Variants in MOXD1 observed in about 807,000 individuals in gnomAD.
MOXD1 encodes DBH-like monooxygenase protein 1.
MOXD1 carries 62 observed loss-of-function variants against 66.6 expected under a neutral mutation model. The observed-to-expected ratio is 0.93, with a 90% CI of 0.76 to 1.15. MOXD1 has a LOEUF of 1.15. MOXD1 is among the 50% of genes most tolerant of loss of function. The pLI, the probability that MOXD1 is intolerant of heterozygous loss-of-function variation, is 0.00. For missense variants in MOXD1, 847 were observed against 754.6 expected (o/e 1.12, Z -1.44); for synonymous variants, 303 against 281.9 (o/e 1.07, Z -0.75).
chr6:132,372,944 A>T lies in MOXD1; in HGVS notation c.465T>A (p.Ala155=). 6.2e-7 allele frequency: 1 copy of T among 1,614,038 alleles called. No individual in the cohort carries two copies. Among genetic ancestry groups the T allele is most frequent in the South Asian group, 1.1e-5 (1 of 91,070 alleles). The change falls in exon 3 of 12, where the codon GCT becomes GCA. Residue 155 remains alanine (A), a synonymous_variant. Transcript: ENST00000367963. ...WAYHHEDAGE[A]GPKYHDSNRG... ...TATTGGAGTCATGGTACTTGGGACC[A>T]GCTTCTCCTGCATCTTCATGGTGGT... is the stretch of plus-strand genomic sequence containing the variant.
intron 4 of MOXD1, among the ~76,000 whole-genome samples, chr6:132,334,268 C>T (rs1482846463): frequency 6.6e-6 from 1 of 152,240 alleles, no homozygotes; most frequent in Non-Finnish European, 1.5e-5. Flanking sequence ...CTCCACTATA[C>T]TGCATCCCAC....
At chr6:132,302,508 G>A (rs757141495) in intron 10 of MOXD1, among the ~76,000 whole-genome samples, 10 of 151,854 alleles carry the variant, frequency 6.6e-5, no homozygotes, top group African/African-American at 1.2e-4. Context: ...CAAAACATGC[G>A]CAAAACTTCT....
chr6:132,372,830 G>T lies in MOXD1; in HGVS notation c.579C>A (p.Asp193Glu), dbSNP rs373772503. ...AATCATAAAACCTGAAAACACTTAC[G>T]TCCTGATTTACCAGATCAAAGTATG... ...ALPYFDLVNQ[D>E]VPIPNKDTTY... The change falls in exon 3 of 12, where the codon GAC becomes GAA. Residue 193 changes from aspartate (D) to glutamate (E), a missense_variant and splice_region_variant. By Grantham distance (45) the Asp-to-Glu change is conservative. Coordinates refer to ENST00000367963, the MANE Select transcript of MOXD1 (RefSeq NM_015529.4). 8 of 1,613,338 alleles carry T rather than the reference G, an allele frequency of 5.0e-6. No individual in the cohort carries two copies. The highest frequency in any genetic ancestry group is 6.8e-6 in the Non-Finnish European group (8 of 1,179,604).
intron 9 of MOXD1, among the ~76,000 whole-genome samples, chr6:132,319,798 T>C (rs1359569926): frequency 6.6e-6 from 1 of 152,066 alleles, no homozygotes; most frequent in Non-Finnish European, 1.5e-5. Context: ...AACTTCTACC[T>C]AGTTAAGACA....
chr6:132,340,441 C>CTT (rs71868555), intron 4 of MOXD1, among the ~76,000 whole-genome samples: 9 of 106,254 alleles, frequency 8.5e-5, no homozygotes, highest in Admixed American at 1.9e-4. Flanking sequence ...GCAACACTTT[C>CTT]TTTTTTTTTT....
intron 2 of MOXD1, among the ~76,000 whole-genome samples, chr6:132,373,756 A>G (rs939286066): frequency 1.3e-5 from 2 of 152,238 alleles, no homozygotes; most frequent in Non-Finnish European, 2.9e-5. Context: ...TTTTTGCCAG[A>G]TCTTTGTAAT....
intron 4 of MOXD1, among the ~76,000 whole-genome samples, chr6:132,336,798 C>T (rs1253754348): frequency 6.6e-6 from 1 of 152,202 alleles, no homozygotes; most frequent in Non-Finnish European, 1.5e-5. Context: ...TGGGAAATAA[C>T]TCACCCCTTA....
At chr6:132,400,116 A>C (rs1404909402) in intron 1 of MOXD1, among the ~76,000 whole-genome samples, 1 of 152,220 alleles carries the variant, frequency 6.6e-6, no homozygotes, top group Non-Finnish European at 1.5e-5. Flanking sequence ...ATCAGCGTTC[A>C]AGTTTGATGG....
chr6:132,341,241 T>C (rs1183126574), intron 4 of MOXD1, among the ~76,000 whole-genome samples: 1 of 152,188 alleles, frequency 6.6e-6, no homozygotes, highest in East Asian at 1.9e-4. Flanking sequence ...TCTCATGCCC[T>C]TCTACTTTGT....
At chr6:132,321,060 T>C (rs1297790022) in intron 8 of MOXD1, among the ~76,000 whole-genome samples, 1 of 151,574 alleles carries the variant, frequency 6.6e-6, no homozygotes, top group Non-Finnish European at 1.5e-5. Flanking sequence ...AGGTCAGGAG[T>C]TCAAGACCAG....
intron 1 of MOXD1, among the ~76,000 whole-genome samples, chr6:132,380,239 T>G (rs768699959): frequency 4.6e-5 from 7 of 152,224 alleles, no homozygotes; most frequent in Non-Finnish European, 8.8e-5. Flanking sequence ...AGTGTGTCAT[T>G]GCATTTTATT....
At chr6:132,378,590 C>A (rs1010861583) in intron 1 of MOXD1, among the ~76,000 whole-genome samples, 5 of 152,006 alleles carry the variant, frequency 3.3e-5, no homozygotes, top group Non-Finnish European at 5.9e-5. Flanking sequence ...CACAATAGAT[C>A]CTACAGACAC....
intron 4 of MOXD1, among the ~76,000 whole-genome samples, chr6:132,361,956 A>G (rs1269466238): frequency 6.6e-6 from 1 of 152,164 alleles, no homozygotes; most frequent in Non-Finnish European, 1.5e-5. Flanking sequence ...CCTCTGATTT[A>G]TGAGTTTTAT....
chr6:132,323,823 T>C (rs1490777853), intron 7 of MOXD1, 108 bp downstream of exon 7: 1 of 1,245,158 alleles, frequency 8.0e-7, no homozygotes, highest in African/African-American at 1.6e-5. Context: ...TCACAGTGTG[T>C]CAACAAGAAA....
chr6:132,374,732 G>C lies in MOXD1; in HGVS notation c.310C>G (p.Gln104Glu). Residue 104 changes from glutamine to glutamate, a missense_variant, in exon 2 of 12, where the codon CAA (glutamine) becomes GAA (glutamate). Physicochemically the swap from Gln to Glu is conservative, Grantham distance 29 (BLOSUM62 2). Transcript: ENST00000367963. Reference sequence around the variant, plus strand: ...ATGGCATATTCTAGATGGTAATCTTGCTGAGCATCTTTTTTCAACTCTCTA... The same window carrying C: ...ATGGCATATTCTAGATGGTAATCTTCCTGAGCATCTTTTTTCAACTCTCTA... ...ANRELKKDAQQDYHLEYAMEN... is the reference protein window; with the variant it reads ...ANRELKKDAQEDYHLEYAMEN... 1 of 1,613,838 alleles carries C rather than the reference G, an allele frequency of 6.2e-7. No homozygotes were observed. The highest frequency in any genetic ancestry group is 8.5e-7 in the Non-Finnish European group (1 of 1,179,866).
intron 4 of MOXD1, among the ~76,000 whole-genome samples, chr6:132,364,267 G>C (rs1422989163): frequency 1.3e-5 from 2 of 152,032 alleles, no homozygotes; most frequent in Admixed American, 1.3e-4. Flanking sequence ...CTAATTCCCA[G>C]GGAATCTTTT....
At chr6:132,376,270 GA>G (rs1234994987) in intron 1 of MOXD1, among the ~76,000 whole-genome samples, 1 of 152,118 alleles carries the variant, frequency 6.6e-6, no homozygotes, top group Non-Finnish European at 1.5e-5. Flanking sequence ...GTTTGACTGA[GA>G]AAATGTAATA....
At chr6:132,300,758 C>A (rs938456819) in intron 10 of MOXD1, among the ~76,000 whole-genome samples, 1 of 152,156 alleles carries the variant, frequency 6.6e-6, no homozygotes, top group African/African-American at 2.4e-5. Flanking sequence ...CCCAATGGCG[C>A]GTATGTTGGA....
intron 1 of MOXD1, among the ~76,000 whole-genome samples, chr6:132,397,321 C>G (rs1776907456): frequency 6.6e-6 from 1 of 152,232 alleles, no homozygotes; most frequent in African/African-American, 2.4e-5. Context: ...CAAGAATAGA[C>G]AGCCAGAACA....
Sources: allele counts gnomAD v4.1 joint callset (sites outside exome capture counted in the v4.1 genomes callset), GRCh38; gene constraint gnomAD v4.1.1; transcripts MANE v1.5; gene names NCBI Gene and HGNC (gene_info 2026-07-23, HGNC 2026-07-21).